Variants in IL1RAPL1 observed in about 807,000 individuals in gnomAD.
IL1RAPL1 encodes the protein interleukin-1 receptor accessory protein-like 1.
IL1RAPL1 carries 3 observed loss-of-function variants against 48.4 expected under a neutral mutation model. The ratio of observed to expected loss-of-function variants is 0.06; its 90% CI spans 0.03 to 0.16. IL1RAPL1 has a LOEUF of 0.16. IL1RAPL1 is among the 10% of genes least tolerant of loss of function. The pLI is 1.00. For synonymous variants in IL1RAPL1, 185 were observed against 187.7 expected (o/e 0.99, Z 0.12); for missense variants, 349 against 530.6 (o/e 0.66, Z 3.36).
At chrX:29,478,213 G>C (rs1336232526) in intron 5 of IL1RAPL1, among the ~76,000 whole-genome samples, 1 of 111,974 alleles carries the variant, frequency 8.9e-6, no homozygotes, top group Non-Finnish European at 1.9e-5. Flanking sequence ...CTTCACACCT[G>C]CTCCTTTTAC....
intron 2 of IL1RAPL1, among the ~76,000 whole-genome samples, chrX:28,988,426 T>G (rs1346433394): frequency 1.8e-5 from 2 of 111,646 alleles, no homozygotes; most frequent in African/African-American, 6.5e-5. Context: ...AACTGCCATC[T>G]GGCATTCTTG....
intron 2 of IL1RAPL1, among the ~76,000 whole-genome samples, chrX:28,911,425 G>C (rs73208068): frequency 9.0e-6 from 1 of 110,569 alleles, no homozygotes; most frequent in Non-Finnish European, 1.9e-5. Context: ...AAGGAGGGGC[G>C]GTGTGTCCTA....
chrX:29,642,737 T>C (rs951658012), intron 5 of IL1RAPL1, among the ~76,000 whole-genome samples: 1 of 112,138 alleles, frequency 8.9e-6, no homozygotes, highest in African/African-American at 3.2e-5. Context: ...AACCACAAGA[T>C]TGTGTATTCC....
intron 5 of IL1RAPL1, among the ~76,000 whole-genome samples, chrX:29,426,382 A>G (rs1934350255): frequency 9.0e-6 from 1 of 111,632 alleles, no homozygotes; most frequent in Non-Finnish European, 1.9e-5. Flanking sequence ...AAACGAACCA[A>G]TTACAGTTCT....
chrX:28,647,041 T>C (rs1042123612), intron 1 of IL1RAPL1, among the ~76,000 whole-genome samples: 2 of 111,401 alleles, frequency 1.8e-5, no homozygotes. Flanking sequence ...GATGGCTAAT[T>C]GGCCCTTCAA....
chrX:29,906,196 G>T (rs1219269851), intron 6 of IL1RAPL1, among the ~76,000 whole-genome samples: 1 of 105,851 alleles, frequency 9.4e-6, no homozygotes, highest in Non-Finnish European at 1.9e-5. Context: ...TCAGCCGGGC[G>T]TCGTGGCGGG....
chrX:29,283,835 C>T (rs1462510358), intron 3 of IL1RAPL1, among the ~76,000 whole-genome samples: 1 of 112,556 alleles, frequency 8.9e-6, no homozygotes, highest in East Asian at 2.8e-4. Context: ...CATACATCTA[C>T]ACATCTTTGT....
At chrX:29,594,842 G>C (rs999285367) in intron 5 of IL1RAPL1, among the ~76,000 whole-genome samples, 5 of 111,437 alleles carry the variant, frequency 4.5e-5, no homozygotes, top group Non-Finnish European at 9.4e-5. Flanking sequence ...CACCTGAGCA[G>C]TGTACGCTGT....
chrX:29,877,669 C>G, intron 6 of IL1RAPL1, among the ~76,000 whole-genome samples: 1 of 111,774 alleles, frequency 8.9e-6, no homozygotes, highest in East Asian at 2.8e-4. Context: ...AGCTCAGGAA[C>G]ATGATCCATT....
At chrX:28,892,675 GTT>G (rs2147320653) in intron 2 of IL1RAPL1, among the ~76,000 whole-genome samples, 1 of 110,458 alleles carries the variant, frequency 9.1e-6, no homozygotes, top group East Asian at 2.9e-4. Context: ...AATGGGTGAT[GTT>G]TCTCAGGGCT....
intron 2 of IL1RAPL1, among the ~76,000 whole-genome samples, chrX:29,171,648 T>C (rs1244661600): frequency 8.9e-6 from 1 of 112,223 alleles, no homozygotes; most frequent in Non-Finnish European, 1.9e-5. Flanking sequence ...TCAAGAATTA[T>C]GAAATATATA....
chrX:29,044,903 GA>G (rs74705944), intron 2 of IL1RAPL1, among the ~76,000 whole-genome samples: 6,429 of 111,731 alleles, frequency 0.058, 205 homozygotes, highest in African/African-American at 0.11. Flanking sequence ...TGAATGACAA[GA>G]TTGCCTGTAA....
In IL1RAPL1 at chrX:29,464,444, A is replaced by G. The variant is rs543638953; in HGVS notation, c.703+65136A>G. On this transcript the variant is annotated intron_variant, in intron 5 of 10. Coordinates refer to ENST00000378993, the MANE Select transcript of IL1RAPL1 (RefSeq NM_014271.4). ...TGTTATTTTAGTAATAACCATTCTT[A>G]TACTGGTAAGCTTCTCAGGATTGGT... is the stretch of plus-strand genomic sequence containing the variant. Among the ~76,000 whole-genome samples the G allele has an allele frequency of 1.2e-4, 13 of 112,362 alleles. No homozygotes were observed. The South Asian group carries it at 4.8e-3, about 41-fold the overall frequency.
intron 1 of IL1RAPL1, among the ~76,000 whole-genome samples, chrX:28,628,349 A>G (rs912696622): frequency 2.7e-5 from 3 of 112,238 alleles, no homozygotes; most frequent in African/African-American, 9.7e-5. Context: ...TCAAAATCAC[A>G]TTGCAAAGTG....
chrX:28,811,892 T>C (rs1936796188), intron 2 of IL1RAPL1, among the ~76,000 whole-genome samples: 1 of 110,815 alleles, frequency 9.0e-6, no homozygotes, highest in Non-Finnish European at 1.9e-5. Flanking sequence ...AACTCCCTCA[T>C]ATGAGGTGAA....
intron 2 of IL1RAPL1, among the ~76,000 whole-genome samples, chrX:29,265,255 G>A (rs189989795): frequency 8.6e-4 from 94 of 108,800 alleles, no homozygotes; most frequent in Non-Finnish European, 1.4e-3. Flanking sequence ...TTTAACTTAT[G>A]AATATAATAT....
At chrX:29,773,836 TA>T (rs1321098764) in intron 6 of IL1RAPL1, among the ~76,000 whole-genome samples, 1 of 111,489 alleles carries the variant, frequency 9.0e-6, no homozygotes, top group African/African-American at 3.3e-5. Context: ...CCTGAACAAA[TA>T]AAAATAATGT....
chrX:29,123,947 GT>G (rs59384321), intron 2 of IL1RAPL1, among the ~76,000 whole-genome samples: 1 of 110,225 alleles, frequency 9.1e-6, no homozygotes, highest in African/African-American at 3.3e-5. Context: ...TAAATTTAGG[GT>G]TTTTTTCACC....
chrX:29,576,931 T>A (rs1310992815), intron 5 of IL1RAPL1, among the ~76,000 whole-genome samples: 2 of 111,656 alleles, frequency 1.8e-5, no homozygotes, highest in East Asian at 5.6e-4. Context: ...TTTTTCTACT[T>A]CAAGGGCAGT....
Sources: allele counts gnomAD v4.1 joint callset (sites outside exome capture counted in the v4.1 genomes callset), GRCh38; gene constraint gnomAD v4.1.1; transcripts MANE v1.5; gene names NCBI Gene and HGNC (gene_info 2026-07-23, HGNC 2026-07-21).